TNKS2: variants seen among roughly 807,000 people sequenced by gnomAD.
TNKS2 encodes the protein tankyrase 2.
TNKS2 carries 72 observed loss-of-function variants against 137.6 expected under a neutral mutation model. The observed-to-expected ratio is 0.52, with a 90% CI of 0.43 to 0.64. The LOEUF (loss-of-function observed/expected upper bound fraction) is 0.64, where lower values mean the gene tolerates loss of function less well. Among genes scored for constraint, TNKS2 ranks in the 30% least tolerant of loss-of-function variants. TNKS2 has a pLI of 0.00. For missense variants in TNKS2, 1,049 were observed against 1,410.2 expected (o/e 0.74, Z 4.10); for synonymous variants, 516 against 512.1 (o/e 1.01, Z -0.10).
chr10:91,845,374 A>G (rs190202519), intron 17 of TNKS2, among the ~76,000 whole-genome samples: 82 of 152,378 alleles, frequency 5.4e-4, no homozygotes, highest in African/African-American at 1.9e-3. Flanking sequence ...CTGACTTATC[A>G]TAGTCCAATG....
At chr10:91,810,752 C>A (rs1844469559) in intron 1 of TNKS2, among the ~76,000 whole-genome samples, 1 of 151,364 alleles carries the variant, frequency 6.6e-6, no homozygotes, top group South Asian at 2.1e-4. Flanking sequence ...TCGTGATCCA[C>A]CCGCCTCGGC....
intron 9 of TNKS2, among the ~76,000 whole-genome samples, chr10:91,829,096 CAGGTG>C (rs1187835885): frequency 6.6e-6 from 1 of 152,086 alleles, no homozygotes; most frequent in African/African-American, 2.4e-5. Flanking sequence ...GAATGTGCTT[CAGGTG>C]AGAGAAGATA....
intron 11 of TNKS2, 109 bp from the exon 12 acceptor site, chr10:91,833,744 C>T: frequency 3.7e-6 from 3 of 814,322 alleles, no homozygotes; most frequent in Non-Finnish European, 5.3e-6. Flanking sequence ...GGATAATAGG[C>T]CTCATAAAAG....
chr10:91,857,434 GT>G lies in TNKS2; in HGVS notation c.3001del (p.Cys1001ValfsTer36). On this transcript the variant is annotated frameshift_variant, in exon 24 of 27. Transcript: ENST00000371627. LOFTEE classifies it high-confidence loss of function. Reference protein sequence around the residue: ...NRYNILKIQKVCNKKLWERYT... With the variant: ...NRYNILKIQKXCNKKLWERYT... ...GGTTTATTTTTTATAGATTCAGAAG[GT>G]TTGTAACAAGAAACTATGGGAAAGA... 1 of 1,604,360 alleles carries G rather than the reference GT, an allele frequency of 6.2e-7. No homozygotes were observed. The highest frequency in any genetic ancestry group is 1.1e-5 in the South Asian group (1 of 89,900).
chr10:91,806,010 T>C (rs1844314482), intron 1 of TNKS2, among the ~76,000 whole-genome samples: 1 of 151,396 alleles, frequency 6.6e-6, no homozygotes, highest in Admixed American at 6.6e-5. Flanking sequence ...TCTGACATTT[T>C]CCTACTTGGC....
chr10:91,850,367 C>CAA (rs1227362681), intron 20 of TNKS2, among the ~76,000 whole-genome samples: 16,461 of 88,886 alleles, frequency 0.19, 1,215 homozygotes, highest in Middle Eastern at 0.22. Flanking sequence ...GACTCGGTCT[C>CAA]AAAAAAAAAA....
intron 9 of TNKS2, among the ~76,000 whole-genome samples, 171 bp downstream of exon 9, chr10:91,828,577 A>G (rs1229651102): frequency 1.3e-5 from 2 of 152,124 alleles, no homozygotes; most frequent in Non-Finnish European, 2.9e-5. Context: ...AGACAACCTC[A>G]CCCTGCAGAA....
intron 1 of TNKS2, among the ~76,000 whole-genome samples, chr10:91,804,353 C>G (rs950317212): frequency 8.5e-5 from 13 of 152,212 alleles, no homozygotes; most frequent in African/African-American, 3.1e-4. Context: ...GTATACTTTA[C>G]AGATAGGCCT....
At chr10:91,837,064 A>T in intron 13 of TNKS2, 66 bp downstream of exon 13, 1 of 1,509,128 alleles carries the variant, frequency 6.6e-7, no homozygotes, top group Non-Finnish European at 9.0e-7. Flanking sequence ...TTTAATCTGT[A>T]CTGTTACAAT....
intron 21 of TNKS2, among the ~76,000 whole-genome samples, chr10:91,851,588 G>A (rs1187004194): frequency 1.3e-5 from 2 of 152,164 alleles, no homozygotes; most frequent in African/African-American, 4.8e-5. Flanking sequence ...TTTAGCTCCT[G>A]AAAATAAGGA....
At chr10:91,828,726 G>C (rs765182333) in intron 9 of TNKS2, among the ~76,000 whole-genome samples, 5 of 152,066 alleles carry the variant, frequency 3.3e-5, no homozygotes, top group Non-Finnish European at 7.4e-5. Flanking sequence ...TGAATGCTTA[G>C]GTTAGAAAAT....
intron 26 of TNKS2, among the ~76,000 whole-genome samples, chr10:91,862,651 G>A (rs1308377065): frequency 6.6e-6 from 1 of 152,112 alleles, no homozygotes; most frequent in Non-Finnish European, 1.5e-5. Flanking sequence ...CTAGAGCAGT[G>A]TTGTGAACTG....
intron 9 of TNKS2, among the ~76,000 whole-genome samples, chr10:91,829,668 C>T (rs1471907825): frequency 6.6e-6 from 1 of 152,176 alleles, no homozygotes; most frequent in African/African-American, 2.4e-5. Flanking sequence ...GAACTATGTT[C>T]TCCAATTAGA....
intron 21 of TNKS2, among the ~76,000 whole-genome samples, chr10:91,852,814 A>T (rs975418893): frequency 6.6e-6 from 1 of 152,224 alleles, no homozygotes; most frequent in African/African-American, 2.4e-5. Context: ...GATTCAAGCT[A>T]AGGAATACTT....
chr10:91,837,614 C>G (rs1293774818), intron 13 of TNKS2, among the ~76,000 whole-genome samples: 6 of 152,190 alleles, frequency 3.9e-5, no homozygotes, highest in Non-Finnish European at 7.3e-5. Flanking sequence ...AATCCCAGCA[C>G]TTCGTGAGGC....
chr10:91,807,504 C>T (rs1449475982), intron 1 of TNKS2: 13 of 1,469,748 alleles, frequency 8.8e-6, no homozygotes, highest in East Asian at 4.5e-5. Context: ...AAACTACCTA[C>T]GTCCGGGAGT....
At chr10:91,852,421 G>T (rs576038623) in intron 21 of TNKS2, among the ~76,000 whole-genome samples, 1 of 151,154 alleles carries the variant, frequency 6.6e-6, no homozygotes, top group Non-Finnish European at 1.5e-5. Flanking sequence ...TTAGCCAGGC[G>T]TGGTGGCGGG....
intron 18 of TNKS2, among the ~76,000 whole-genome samples, chr10:91,847,450 C>T (rs891862081): frequency 2.0e-5 from 3 of 152,068 alleles, no homozygotes; most frequent in South Asian, 2.1e-4. Flanking sequence ...CTGCAACCTC[C>T]GCCTCCCAGG....
intron 7 of TNKS2, among the ~76,000 whole-genome samples, chr10:91,825,747 T>C (rs1845046440): frequency 6.6e-6 from 1 of 152,210 alleles, no homozygotes; most frequent in African/African-American, 2.4e-5. Context: ...TGGTCCATAC[T>C]TAGCCAACTC....
Sources: allele counts gnomAD v4.1 joint callset (sites outside exome capture counted in the v4.1 genomes callset), GRCh38; gene constraint gnomAD v4.1.1; transcripts MANE v1.5; gene names NCBI Gene and HGNC (gene_info 2026-07-23, HGNC 2026-07-21).